CIITA: variants seen among roughly 807,000 people sequenced by gnomAD.
The protein encoded by CIITA is MHC class II transactivator.
Under a neutral mutation model 115.1 loss-of-function variants are expected in CIITA, and 72 were observed. That is an observed-to-expected ratio of 0.63 (90% CI 0.52 to 0.76). CIITA has a LOEUF of 0.76. CIITA is among the 30% of genes least tolerant of loss of function. The pLI, the probability that CIITA is intolerant of heterozygous loss-of-function variation, is 0.00. For synonymous variants in CIITA, 763 were observed against 635.6 expected (o/e 1.20, Z -3.02); for missense variants, 1,617 against 1,463.8 (o/e 1.10, Z -1.71).
intron 16 of CIITA, 86 bp downstream of exon 16, chr16:10,918,612 C>A: frequency 8.7e-7 from 1 of 1,150,318 alleles, no homozygotes; most frequent in Non-Finnish European, 1.3e-6. Context: ...CTGCAGGGGA[C>A]ACTGAGACCC....
At chr16:10,940,210 A>G (rs2041083395), downstream of CIITA, 1 of 152,202 alleles carries the variant, frequency 6.6e-6, no homozygotes, top group African/African-American at 2.4e-5. The surrounding 1 kb of genome is among the most constrained non-coding windows in gnomAD (Gnocchi z 4.2). Flanking sequence ...ATATGTTGAA[A>G]CTCTGATCCC....
chr16:10,902,729 T>C lies in CIITA; in HGVS notation c.700T>C (p.Ser234Pro). The change falls in exon 8 of 20, where the codon TCC (serine) becomes CCC (proline). Residue 234 changes from serine to proline, a missense_variant. Coordinates refer to ENST00000324288, the MANE Select transcript of CIITA (RefSeq NM_000246.4). ...EGPIQFVPTI[S>P]TLPHGLWQIS... Reference sequence around the variant, plus strand: ...ACCCATCCAGTTTGTCCCCACCATCTCCACTCTGCCCCATGGGCTCTGGCA... The same window carrying C: ...ACCCATCCAGTTTGTCCCCACCATCCCCACTCTGCCCCATGGGCTCTGGCA... The C allele has an allele frequency of 1.9e-6, 3 of 1,614,200 alleles. No individual in the cohort carries two copies. Among genetic ancestry groups the C allele is most frequent in the Non-Finnish European group, 2.5e-6 (3 of 1,180,022 alleles).
chr16:10,916,329 G>C, intron 14 of CIITA, 38 bp from the exon 15 acceptor site: 1 of 1,600,768 alleles, frequency 6.2e-7, no homozygotes, highest in Non-Finnish European at 8.5e-7. Context: ...ATGGCCCCAG[G>C]ACGCTAGCTG....
intron 9 of CIITA, 130 bp from the exon 10 acceptor site, chr16:10,904,614 C>T: frequency 2.2e-6 from 2 of 889,414 alleles, no homozygotes; most frequent in Non-Finnish European, 3.8e-6. Flanking sequence ...CAGCCTCAGG[C>T]CGCTATCTTA....
rs2040860001 is a variant in CIITA at position 10,932,905 on chromosome 16, A to C, written c.*9050A>C. 6.6e-6 allele frequency: 1 copy of C among 152,044 alleles called. No homozygotes were observed. The highest frequency in any genetic ancestry group is 1.9e-4 in the East Asian group (1 of 5,184). 9.4% of individuals were successfully genotyped at this position (152,044 alleles called of 1,614,324 possible). On this transcript the variant is annotated 3_prime_UTR_variant, in exon 20 of 20. Coordinates refer to ENST00000324288, the MANE Select transcript of CIITA (RefSeq NM_000246.4). ...GGTTTCACCATGTTGGCCAGGCTAA[A>C]ATCTCATAACGTTTTAAGAAAGTTT...
chr16:10,908,940 T>C (rs776683380), intron 11 of CIITA, 89 bp from the exon 12 acceptor site: 16 of 1,586,032 alleles, frequency 1.0e-5, no homozygotes, highest in African/African-American at 1.3e-5. Flanking sequence ...GAAAGTATTT[T>C]AATAGGTAGG....
rs1240921931 is a variant in CIITA, at chr16:10,910,169, C to G, written c.2817-19C>G. ...TGACAGCAGTGCCTGCTCCCCCTAA[C>G]ATTGCCTGTTCTCTCCAGGACGAGA... On this transcript the variant is annotated intron_variant, in intron 12 of 19. Coordinates refer to ENST00000324288, the MANE Select transcript of CIITA (RefSeq NM_000246.4). 2 of 1,611,956 alleles carry G rather than the reference C, an allele frequency of 1.2e-6. No individual in the cohort carries two copies. The highest frequency in any genetic ancestry group is 2.2e-5 in the South Asian group (2 of 90,824).
chr16:10,925,697 T>C lies in CIITA; in HGVS notation c.*1842T>C, dbSNP rs2040503442. 1 of 152,322 alleles carries C rather than the reference T, an allele frequency of 6.6e-6. No homozygotes were observed. Among genetic ancestry groups the C allele is most frequent in the Admixed American group, 6.5e-5 (1 of 15,296 alleles). 9.4% of individuals were successfully genotyped at this position (152,322 alleles called of 1,614,324 possible). A position where few individuals can be genotyped will look rare whatever the true frequency, so the allele number is the denominator to read the frequency against. The stretch of plus-strand genomic sequence containing the variant: ...TTCACCACATGTGCACATGCACGTG[T>C]GTGCACGTACACACACATACACACA... On this transcript the variant is annotated 3_prime_UTR_variant, in exon 20 of 20. Coordinates refer to ENST00000324288, the MANE Select transcript of CIITA (RefSeq NM_000246.4).
Position 10,900,755 on chromosome 16 carries a change from T to C in CIITA, c.437-759T>C, listed in dbSNP as rs545927586. On this transcript the variant is annotated intron_variant, in intron 5 of 19. Transcript: ENST00000324288. ...ACTCTGTTTCAAAAAAAAAAAAAAA[T>C]GTTTTCAAGATACAATAAAAGTGAA... Among the ~76,000 whole-genome samples, 16 of 149,306 alleles carry C rather than the reference T, an allele frequency of 1.1e-4. No homozygotes were observed. In the South Asian group the frequency reaches 3.2e-3, roughly 30 times the overall value.
downstream of CIITA, chr16:10,938,048 C>G (rs906551317): frequency 6.6e-6 from 1 of 152,226 alleles, no homozygotes; most frequent in African/African-American, 2.4e-5. The surrounding 1 kb of genome is among the most constrained non-coding windows in gnomAD (Gnocchi z 4.9). Flanking sequence ...TTTGCAAGGG[C>G]ATGGGTATAA....
At position 10,906,873 on chromosome 16, in the gene CIITA, G is replaced by T; in HGVS notation, c.1381G>T (p.Asp461Tyr). Residue 461 changes from aspartate to tyrosine, a missense_variant, in exon 11 of 20, where the codon GAT becomes TAT. Coordinates refer to ENST00000324288, the MANE Select transcript of CIITA (RefSeq NM_000246.4). ...VPCHCLNRPG[D>Y]AYGLQDLLFS... is the part of the protein sequence containing the mutation. ...CTGCCATTGCTTGAACCGTCCGGGGGATGCCTATGGCCTGCAGGATCTGCT... is the reference window on the plus strand; with the variant it reads ...CTGCCATTGCTTGAACCGTCCGGGGTATGCCTATGGCCTGCAGGATCTGCT... The T allele has an allele frequency of 6.2e-7, 1 of 1,613,474 alleles. No homozygotes were observed.
rs1446953989 is a variant in CIITA, at chr16:10,923,408, G to A, written c.*22+83G>A. 3.6e-6 allele frequency: 4 copies of A among 1,125,186 alleles called. No homozygotes were observed. Among genetic ancestry groups the A allele is most frequent in the Admixed American group, 3.4e-5 (2 of 58,256 alleles). 69.7% of individuals were successfully genotyped at this position (1,125,186 alleles called of 1,614,324 possible). A position where few individuals can be genotyped will look rare whatever the true frequency, so the allele number is the denominator to read the frequency against. On this transcript the variant is annotated intron_variant, in intron 19 of 19. Coordinates refer to ENST00000324288, the MANE Select transcript of CIITA (RefSeq NM_000246.4). This position sits in a 1 kb window ranked among gnomAD's most constrained non-coding sequence, Gnocchi z 5.2. ...TGAAGGTGGCATTCAAAAAATGTGG[G>A]CGGGACACAGGTGGGGCTAGGCCAC...
chr16:10,940,012 A>C (rs1441388841), downstream of CIITA: 4 of 152,218 alleles, frequency 2.6e-5, no homozygotes, highest in Non-Finnish European at 5.9e-5. This position sits in a 1 kb window ranked among gnomAD's most constrained non-coding sequence, Gnocchi z 4.2. Flanking sequence ...AGCACCTGGC[A>C]CACACTCCCC....
Position 10,929,590 on chromosome 16 carries a change from C to T in CIITA, c.*5735C>T. ...AAGAAGGAAAAAGGGGGGTTATTAGCACGGAAGCCCCACCCTGCCACCAGG... is the reference window on the plus strand; with the variant it reads ...AAGAAGGAAAAAGGGGGGTTATTAGTACGGAAGCCCCACCCTGCCACCAGG... On this transcript the variant is annotated 3_prime_UTR_variant, in exon 20 of 20. Coordinates refer to ENST00000324288, the MANE Select transcript of CIITA (RefSeq NM_000246.4). This position sits in a 1 kb window ranked among gnomAD's most constrained non-coding sequence, Gnocchi z 4.3. 1.0e-6 allele frequency: 1 copy of T among 984,764 alleles called. No homozygotes were observed. The highest frequency in any genetic ancestry group is 1.2e-6 in the Non-Finnish European group (1 of 829,380). 61.0% of individuals were successfully genotyped at this position (984,764 alleles called of 1,614,324 possible).
chr16:10,914,700 G>A (rs967256292), intron 13 of CIITA, among the ~76,000 whole-genome samples: 12 of 152,084 alleles, frequency 7.9e-5, no homozygotes, highest in Non-Finnish European at 1.3e-4. Context: ...CTATTTGATC[G>A]CCTAGTGCCT....
Position 10,906,837 on chromosome 16 carries a change from T to A in CIITA, c.1345T>A (p.Phe449Ile), listed in dbSNP as rs144597413. ...CCGGCTTCCCCAGTACGACTTTGTC[T>A]TCTCTGTCCCCTGCCATTGCTTGAA... ...CGRLPQYDFVFSVPCHCLNRP... is the reference protein window; with the variant it reads ...CGRLPQYDFVISVPCHCLNRP... The change falls in exon 11 of 20, where the codon TTC becomes ATC. Residue 449 changes from phenylalanine to isoleucine, a missense_variant. Coordinates refer to ENST00000324288, the MANE Select transcript of CIITA (RefSeq NM_000246.4). 1 of 1,613,282 alleles carries A rather than the reference T, an allele frequency of 6.2e-7. No homozygotes were observed.
In CIITA at chr16:10,907,655, G is replaced by A. The variant is rs139227684; in HGVS notation, c.2163G>A (p.Trp721Ter). ...TGCAATGCTTCCTGGGGGCCCTGTGGCTGGCTCTGAGTGGCGAAATCAAGG... is the reference window on the plus strand; with the variant it reads ...TGCAATGCTTCCTGGGGGCCCTGTGACTGGCTCTGAGTGGCGAAATCAAGG... Reference protein sequence around the residue: ...FLLQCFLGALWLALSGEIKDK... With the variant: ...FLLQCFLGAL Residue 721 changes from tryptophan to a stop codon, truncating the protein, a stop_gained, in exon 11 of 20, where the codon TGG (tryptophan) becomes TGA (stop). Coordinates refer to ENST00000324288, the MANE Select transcript of CIITA (RefSeq NM_000246.4). LOFTEE classifies it high-confidence loss of function. The surrounding 1 kb of genome is among the most constrained non-coding windows in gnomAD (Gnocchi z 5.0). 1.2e-6 allele frequency: 2 copies of A among 1,614,116 alleles called. No individual in the cohort carries two copies. The highest frequency in any genetic ancestry group is 2.7e-5 in the African/African-American group (2 of 74,934).
intron 1 of CIITA, among the ~76,000 whole-genome samples, chr16:10,869,304 T>C (rs1405449511): frequency 1.3e-5 from 2 of 152,212 alleles, no homozygotes; most frequent in Non-Finnish European, 2.9e-5. Context: ...ACCCTCGCTG[T>C]TCCTTAGACA....
At chr16:10,899,079 G>A in intron 5 of CIITA, 77 bp downstream of exon 5, 1 of 1,417,468 alleles carries the variant, frequency 7.1e-7, no homozygotes, top group East Asian at 2.3e-5. Context: ...CCTGCTGTGG[G>A]TCCAACTTGC....
Sources: gnomAD v4.1 joint callset for allele counts (sites outside exome capture counted in the v4.1 genomes callset) on GRCh38, gnomAD v4.1.1 for gene constraint, Gnocchi (gnomAD v3.1) non-coding constraint, MANE v1.5 for transcripts, NCBI Gene and HGNC (gene_info 2026-07-23, HGNC 2026-07-21) for gene names.